Variants in FOXL1 observed in about 807,000 individuals in gnomAD.
The protein encoded by FOXL1 is forkhead box L1, also known as forkhead box protein L1.
Under a neutral mutation model 1.7 loss-of-function variants are expected in FOXL1, and 2 were observed. The ratio of observed to expected loss-of-function variants is 1.21; its 90% CI spans 0.49 to 3.80. The LOEUF (loss-of-function observed/expected upper bound fraction) is 3.80, where lower values mean the gene tolerates loss of function less well. FOXL1 is among the 30% of genes most tolerant of loss of function. The pLI, the probability that FOXL1 is intolerant of heterozygous loss-of-function variation, is 0.07. For missense variants in FOXL1, 565 were observed against 495.8 expected, an observed-to-expected ratio of 1.14 and a Z score of -1.32; for synonymous variants, 280 against 229.3, an observed-to-expected ratio of 1.22 and a Z score of -2.00.
chr16:86,579,894 C>A lies in FOXL1; in HGVS notation c.*133C>A. 4 of 921,210 alleles carry A rather than the reference C, an allele frequency of 4.3e-6. No individual in the cohort carries two copies. The highest frequency in any genetic ancestry group is 6.5e-6 in the Non-Finnish European group (4 of 611,750). The allele number at this position is 921,210 out of a possible 1,614,324, so 57.1% of individuals were successfully genotyped here. On this transcript the variant is annotated 3_prime_UTR_variant, in exon 1 of 1. Coordinates refer to ENST00000320241, the MANE Select transcript of FOXL1 (RefSeq NM_005250.3). ...GCCTGTGGGTTCAGGGAAGTGTTAC[C>A]AACCATTGCGCGCAGGTGGGCGCGC...
In FOXL1 at chr16:86,580,382, C is replaced by T. The variant is rs1397469867; in HGVS notation, c.*621C>T. 1 of 167,132 alleles carries T rather than the reference C, an allele frequency of 6.0e-6. No homozygotes were observed. Among genetic ancestry groups the T allele is most frequent in the East Asian group, 1.9e-4 (1 of 5,200 alleles). 10.4% of individuals were successfully genotyped at this position (167,132 alleles called of 1,614,324 possible). A position where few individuals can be genotyped will look rare whatever the true frequency, so the allele number is the denominator to read the frequency against. The stretch of plus-strand genomic sequence containing the variant: ...TATGACCAATGTTCAGCTATAGAAG[C>T]TGATAACCACCCAGAGCAATAACAC... On this transcript the variant is annotated 3_prime_UTR_variant, in exon 1 of 1. Transcript: ENST00000320241.
Position 86,579,300 on chromosome 16 carries a change from C to A in FOXL1, c.577C>A (p.Pro193Thr). 1 of 1,425,972 alleles carries A rather than the reference C, an allele frequency of 7.0e-7. No homozygotes were observed. The highest frequency in any genetic ancestry group is 9.1e-7 in the Non-Finnish European group (1 of 1,096,502). 88.3% of individuals were successfully genotyped at this position (1,425,972 alleles called of 1,614,324 possible). A position where few individuals can be genotyped will look rare whatever the true frequency, so the allele number is the denominator to read the frequency against. ...ISRLQAAPAG[P>T]SPLLDGPSPP... ...CCGCCTGCAGGCAGCGCCCGCGGGC[C>A]CCTCGCCCCTCCTGGACGGCCCCTC... is the stretch of plus-strand genomic sequence containing the variant. Residue 193 changes from proline to threonine, a missense_variant, in exon 1 of 1, where the codon CCC becomes ACC. Physicochemically the swap from Pro to Thr is conservative, Grantham distance 38. Transcript: ENST00000320241.
In FOXL1 at chr16:86,579,772, G is replaced by A; in HGVS notation, c.*11G>A. The A allele has an allele frequency of 1.9e-6, 3 of 1,607,678 alleles. No individual in the cohort carries two copies. The highest frequency in any genetic ancestry group is 1.7e-6 in the Non-Finnish European group (2 of 1,175,324). ...CTCCACTTCCAGTAAAGCAAACAAT[G>A]GCACGGTTCTTCTCCCGGCCCAGCC... is the stretch of plus-strand genomic sequence containing the variant. On this transcript the variant is annotated 3_prime_UTR_variant, in exon 1 of 1. Coordinates refer to ENST00000320241, the MANE Select transcript of FOXL1 (RefSeq NM_005250.3).
In FOXL1 at chr16:86,582,159, A is replaced by C. The variant is rs1230656052; in HGVS notation, c.*2398A>C. Reference sequence around the variant, plus strand: ...ATAAAGAGAAATTCTATTTAATCCCAACTTTTGTCTGGTTTAGAAAAGCTA... The same window carrying C: ...ATAAAGAGAAATTCTATTTAATCCCCACTTTTGTCTGGTTTAGAAAAGCTA... On this transcript the variant is annotated 3_prime_UTR_variant, in exon 1 of 1. Transcript: ENST00000320241. The C allele has an allele frequency of 3.3e-5, 5 of 152,178 alleles. No homozygotes were observed. The highest frequency in any genetic ancestry group is 6.5e-5 in the Admixed American group (1 of 15,270). The allele number at this position is 152,178 out of a possible 1,614,324, so 9.4% of individuals were successfully genotyped here.
chr16:86,582,251 A>G lies in FOXL1; in HGVS notation c.*2490A>G, dbSNP rs1275913640. 4 of 152,298 alleles carry G rather than the reference A, an allele frequency of 2.6e-5. No individual in the cohort carries two copies. The East Asian group carries it at 7.7e-4, about 29-fold the overall frequency. 9.4% of individuals were successfully genotyped at this position (152,298 alleles called of 1,614,324 possible). On this transcript the variant is annotated 3_prime_UTR_variant, in exon 1 of 1. Coordinates refer to ENST00000320241, the MANE Select transcript of FOXL1 (RefSeq NM_005250.3). Reference sequence around the variant, plus strand: ...ATTGCATGTGTATTCCTTCCTCCTGAACCAAAAAGAGGAGGTTTGGGTCTT... The same window carrying G: ...ATTGCATGTGTATTCCTTCCTCCTGGACCAAAAAGAGGAGGTTTGGGTCTT...
In FOXL1 at chr16:86,581,625, G is replaced by A. The variant is rs997031233; in HGVS notation, c.*1864G>A. 1.9e-4 allele frequency: 31 copies of A among 167,080 alleles called. No homozygotes were observed. The highest frequency in any genetic ancestry group is 3.4e-4 in the Non-Finnish European group (23 of 68,126). The allele number at this position is 167,080 out of a possible 1,614,324, so 10.3% of individuals were successfully genotyped here. ...TGATTCACTGAAAATGTAGCGAAAG[G>A]GCTGTCACTGGATATTTTGCTATCC... On this transcript the variant is annotated 3_prime_UTR_variant, in exon 1 of 1. Coordinates refer to ENST00000320241, the MANE Select transcript of FOXL1 (RefSeq NM_005250.3).
At position 86,579,366 on chromosome 16, in the gene FOXL1, A is replaced by T; in HGVS notation, c.643A>T (p.Asn215Tyr). The change falls in exon 1 of 1, where the codon AAC (asparagine) becomes TAC (tyrosine). Residue 215 changes from asparagine to tyrosine, a missense_variant. Physicochemically the swap from Asn to Tyr is moderately radical, Grantham distance 143. Coordinates refer to ENST00000320241, the MANE Select transcript of FOXL1 (RefSeq NM_005250.3). ...PLHWPGTASP[N>Y]EDAGDAAQGA... ...CCACTGGCCGGGGACCGCGTCCCCG[A>T]ACGAGGACGCTGGTGACGCTGCCCA... The T allele has an allele frequency of 6.7e-7, 1 of 1,496,506 alleles. No homozygotes were observed. Among genetic ancestry groups the T allele is most frequent in the Non-Finnish European group, 8.8e-7 (1 of 1,130,124 alleles). The allele number at this position is 1,496,506 out of a possible 1,614,324, so 92.7% of individuals were successfully genotyped here.
chr16:86,578,628 T>C lies in FOXL1; in HGVS notation c.-96T>C. 2 of 1,105,010 alleles carry C rather than the reference T, an allele frequency of 1.8e-6. No individual in the cohort carries two copies. Among genetic ancestry groups the C allele is most frequent in the Non-Finnish European group, 2.6e-6 (2 of 783,126 alleles). 68.5% of individuals were successfully genotyped at this position (1,105,010 alleles called of 1,614,324 possible). Reference sequence around the variant, plus strand: ...GCAGAGCCAGAGGCAGAGGCACGGCTGGCTCCCCGGGAGGGCCCTTGCGGC... The same window carrying C: ...GCAGAGCCAGAGGCAGAGGCACGGCCGGCTCCCCGGGAGGGCCCTTGCGGC... On this transcript the variant is annotated 5_prime_UTR_variant, in exon 1 of 1. Transcript: ENST00000320241.
In FOXL1 at chr16:86,580,653, G is replaced by T; in HGVS notation, c.*892G>T. On this transcript the variant is annotated 3_prime_UTR_variant, in exon 1 of 1. Transcript: ENST00000320241. ...CCTATCCTTTTGCTTTTGTTTTTAA[G>T]GGATCAAAATATTTCAAGGGATACC... The T allele has an allele frequency of 6.0e-6, 1 of 166,928 alleles. No individual in the cohort carries two copies. The highest frequency in any genetic ancestry group is 1.5e-5 in the Non-Finnish European group (1 of 68,106). 10.3% of individuals were successfully genotyped at this position (166,928 alleles called of 1,614,324 possible).
In FOXL1 at chr16:86,580,867, CG is replaced by C. The variant is rs1974403834; in HGVS notation, c.*1111del. The C allele has an allele frequency of 1.8e-5, 3 of 166,724 alleles. No individual in the cohort carries two copies. The highest frequency in any genetic ancestry group is 6.6e-5 in the Admixed American group (1 of 15,242). The allele number at this position is 166,724 out of a possible 1,614,324, so 10.3% of individuals were successfully genotyped here. On this transcript the variant is annotated 3_prime_UTR_variant, in exon 1 of 1. Coordinates refer to ENST00000320241, the MANE Select transcript of FOXL1 (RefSeq NM_005250.3). The stretch of plus-strand genomic sequence containing the variant: ...ATGCAGAGAGAGAGAGGGATGAATG[CG>C]GGGGAAGAATAAGGGGACGTGCTGG...
At position 86,579,091 on chromosome 16, in the gene FOXL1, G is replaced by A. The variant is rs772398110; in HGVS notation, c.368G>A (p.Trp123Ter). ...GGGCGGCCGGGCAAGGGCAGCTACT[G>A]GACGCTGGACCCCCGCTGCCTGGAC... ...EKGRPGKGSY[W>*]TLDPRCLDMF... Residue 123 changes from tryptophan to a stop codon, truncating the protein, a stop_gained, in exon 1 of 1, where the codon TGG becomes TAG. Transcript: ENST00000320241. LOFTEE classifies it low-confidence loss of function (END_TRUNC). 1 of 1,614,060 alleles carries A rather than the reference G, an allele frequency of 6.2e-7. No individual in the cohort carries two copies. Among genetic ancestry groups the A allele is most frequent in the Non-Finnish European group, 8.5e-7 (1 of 1,179,990 alleles).
At position 86,580,889 on chromosome 16, in the gene FOXL1, G is replaced by C. The variant is rs1974404271; in HGVS notation, c.*1128G>C. On this transcript the variant is annotated 3_prime_UTR_variant, in exon 1 of 1. Coordinates refer to ENST00000320241, the MANE Select transcript of FOXL1 (RefSeq NM_005250.3). ...ATGCGGGGGAAGAATAAGGGGACGT[G>C]CTGGTGTCCGCTGGAAGGGGCCTCT... 6.0e-6 allele frequency: 1 copy of C among 167,128 alleles called. No individual in the cohort carries two copies. The highest frequency in any genetic ancestry group is 1.5e-5 in the Non-Finnish European group (1 of 68,138). 10.4% of individuals were successfully genotyped at this position (167,128 alleles called of 1,614,324 possible).
At position 86,581,496 on chromosome 16, in the gene FOXL1, G is replaced by A. The variant is rs981245401; in HGVS notation, c.*1735G>A. Reference sequence around the variant, plus strand: ...TATCCATGCTGAACCAGGCTTCCACGACTGGGTTCTACCCAGGCCAGTGGG... The same window carrying A: ...TATCCATGCTGAACCAGGCTTCCACAACTGGGTTCTACCCAGGCCAGTGGG... On this transcript the variant is annotated 3_prime_UTR_variant, in exon 1 of 1. Coordinates refer to ENST00000320241, the MANE Select transcript of FOXL1 (RefSeq NM_005250.3). 4.8e-5 allele frequency: 8 copies of A among 167,076 alleles called. No homozygotes were observed. The East Asian group carries it at 9.6e-4, about 20-fold the overall frequency. The allele number at this position is 167,076 out of a possible 1,614,324, so 10.3% of individuals were successfully genotyped here.
At position 86,579,621 on chromosome 16, in the gene FOXL1, GCCT is replaced by G. The variant is rs1974386958; in HGVS notation, c.904_906del (p.Ser303del). On this transcript the variant is annotated inframe_deletion, in exon 1 of 1. Transcript: ENST00000320241. ...CCGTCTGGGTGCCTCGCTCCTGGCC[GCCT>G]CCTCCAGCCTCCGTCCGCCTTTCAA... 6.2e-7 allele frequency: 1 copy of G among 1,613,196 alleles called. No homozygotes were observed. Among genetic ancestry groups the G allele is most frequent in the African/African-American group, 1.3e-5 (1 of 75,054 alleles).
chr16:86,579,127 A>G lies in FOXL1; in HGVS notation c.404A>G (p.Asn135Ser). 1 of 1,613,344 alleles carries G rather than the reference A, an allele frequency of 6.2e-7. No homozygotes were observed. The highest frequency in any genetic ancestry group is 8.5e-7 in the Non-Finnish European group (1 of 1,179,798). Residue 135 changes from asparagine to serine, a missense_variant, in exon 1 of 1, where the codon AAC becomes AGC. By Grantham distance (46) the Asn-to-Ser change is conservative (BLOSUM62 1). Transcript: ENST00000320241. The stretch of plus-strand genomic sequence containing the variant: ...CCCCGCTGCCTGGACATGTTTGAGA[A>G]CGGCAACTACCGGCGCCGGAAGAGG... ...LDPRCLDMFE[N>S]GNYRRRKRKP...
chr16:86,579,700 G>C lies in FOXL1; in HGVS notation c.977G>C (p.Gly326Ala), dbSNP rs754156142. 1.1e-5 allele frequency: 17 copies of C among 1,605,086 alleles called. No individual in the cohort carries two copies. The highest frequency in any genetic ancestry group is 1.6e-4 in the Middle Eastern group (1 of 6,080). ...GTCCAGGGCGGCTTTTACCAGCTCG[G>C]GATCCCCTTCCTCTCTTATTTCCCC... ...PHVQGGFYQL[G>A]IPFLSYFPLQ... Residue 326 changes from glycine to alanine, a missense_variant, in exon 1 of 1, where the codon GGG (glycine) becomes GCG (alanine). Transcript: ENST00000320241.
At position 86,580,770 on chromosome 16, in the gene FOXL1, C is replaced by T. The variant is rs1157779239; in HGVS notation, c.*1009C>T. The stretch of plus-strand genomic sequence containing the variant: ...TTTCAAGATCCAGGCTTGGTGGTCG[C>T]TATATTTTTCAGAAACAGATAATGA... On this transcript the variant is annotated 3_prime_UTR_variant, in exon 1 of 1. Transcript: ENST00000320241. The T allele has an allele frequency of 6.0e-6, 1 of 166,728 alleles. No homozygotes were observed. Among genetic ancestry groups the T allele is most frequent in the Non-Finnish European group, 1.5e-5 (1 of 68,066 alleles). The allele number at this position is 166,728 out of a possible 1,614,324, so 10.3% of individuals were successfully genotyped here. A position where few individuals can be genotyped will look rare whatever the true frequency, so the allele number is the denominator to read the frequency against.
rs1974394832 is a variant in FOXL1, at chr16:86,580,144, G to T, written c.*383G>T. ...AGGGCCCGCAGACCACCCAAGGCAG[G>T]CCTTACAGGTGCAGTTGAGGTCCTT... is the stretch of plus-strand genomic sequence containing the variant. On this transcript the variant is annotated 3_prime_UTR_variant, in exon 1 of 1. Coordinates refer to ENST00000320241, the MANE Select transcript of FOXL1 (RefSeq NM_005250.3). 1 of 226,894 alleles carries T rather than the reference G, an allele frequency of 4.4e-6. No individual in the cohort carries two copies. Among genetic ancestry groups the T allele is most frequent in the Non-Finnish European group, 9.5e-6 (1 of 104,850 alleles). 14.1% of individuals were successfully genotyped at this position (226,894 alleles called of 1,614,324 possible).
Position 86,580,063 on chromosome 16 carries a change from T to G in FOXL1, c.*302T>G. On this transcript the variant is annotated 3_prime_UTR_variant, in exon 1 of 1. Coordinates refer to ENST00000320241, the MANE Select transcript of FOXL1 (RefSeq NM_005250.3). ...GAGATTCCTTGACGTTTGACCTGTC[T>G]AATGGAGTGTGGTCTTCAGCCGCCC... 2 of 406,636 alleles carry G rather than the reference T, an allele frequency of 4.9e-6. No individual in the cohort carries two copies. The highest frequency in any genetic ancestry group is 4.0e-5 in the South Asian group (1 of 24,790). 25.2% of individuals were successfully genotyped at this position (406,636 alleles called of 1,614,324 possible).
Sources: gnomAD v4.1 joint callset for allele counts on GRCh38, gnomAD v4.1.1 for gene constraint, MANE v1.5 for transcripts, NCBI Gene and HGNC (gene_info 2026-07-23, HGNC 2026-07-21) for gene names.